SYTL5: variants seen among roughly 807,000 people sequenced by gnomAD.
SYTL5 encodes synaptotagmin like 5, also known as synaptotagmin-like protein 5.
Under a neutral mutation model 55.9 loss-of-function variants are expected in SYTL5, and 34 were observed. The ratio of observed to expected loss-of-function variants is 0.61; its 90% CI spans 0.46 to 0.81. SYTL5 has a LOEUF of 0.81. SYTL5 is among the 30% of genes least tolerant of loss of function. SYTL5 has a pLI of 0.00. For missense variants in SYTL5, 637 were observed against 546.7 expected, an observed-to-expected ratio of 1.17 and a Z score of -1.65; for synonymous variants, 221 against 188.7, an observed-to-expected ratio of 1.17 and a Z score of -1.40.
At chrX:38,077,877 T>G (rs771323391) in intron 6 of SYTL5, among the ~76,000 whole-genome samples, 2 of 111,571 alleles carry the variant, frequency 1.8e-5, no homozygotes, top group East Asian at 5.6e-4. Context: ...TCTATAAACA[T>G]CTCATTTTGG....
chrX:37,945,341 A>T, the SYTL5 span, among the ~76,000 whole-genome samples: 1 of 111,656 alleles, frequency 9.0e-6, no homozygotes, highest in African/African-American at 3.3e-5. Flanking sequence ...AGATTTCATG[A>T]CTCTCATCTT....
rs201966693 is a variant in SYTL5 at position 38,072,328 on chromosome X, CAAG to C, written c.445+173_445+175del. 8.4e-3 allele frequency among the ~76,000 whole-genome samples: 936 copies of C among 111,920 alleles called. 5 individuals carry two copies. The highest frequency in any genetic ancestry group is 0.033 in the Middle Eastern group (7 of 214). On this transcript the variant is annotated intron_variant, in intron 4 of 16. Transcript: ENST00000297875. ...ATCTAGATACGTAATTCATACAAGA[CAAG>C]AAGAAGTCAGTAGAAAACAAAATTC...
chrX:38,105,456 G>T (rs1937185243), intron 10 of SYTL5, among the ~76,000 whole-genome samples: 1 of 112,350 alleles, frequency 8.9e-6, no homozygotes, highest in African/African-American at 3.2e-5. Flanking sequence ...ACACGAAGTG[G>T]GGAGGGAGCT....
At chrX:38,086,956 T>G (rs1936672721) in intron 6 of SYTL5, among the ~76,000 whole-genome samples, 1 of 111,521 alleles carries the variant, frequency 9.0e-6, no homozygotes, top group African/African-American at 3.3e-5. Context: ...TCACAAGAAT[T>G]TTTTCCTTAT....
At chrX:38,099,579 C>G (rs945046126) in intron 9 of SYTL5, among the ~76,000 whole-genome samples, 2 of 110,735 alleles carry the variant, frequency 1.8e-5, no homozygotes, top group African/African-American at 6.5e-5. Flanking sequence ...ATTTCTTTTA[C>G]CTGTTTAATT....
chrX:37,985,041 A>G, the SYTL5 span, among the ~76,000 whole-genome samples: 18 of 112,147 alleles, frequency 1.6e-4, no homozygotes, highest in Non-Finnish European at 3.2e-4. Context: ...TGAAAGACTG[A>G]ATGTTTTTCC....
chrX:37,985,160 A>C, the SYTL5 span, among the ~76,000 whole-genome samples: 3 of 111,989 alleles, frequency 2.7e-5, no homozygotes, highest in African/African-American at 9.7e-5. Context: ...AAAGCCATCT[A>C]GTTTAGAAAG....
the SYTL5 span, among the ~76,000 whole-genome samples, chrX:37,994,020 A>T: frequency 9.0e-6 from 1 of 110,978 alleles, no homozygotes; most frequent in Admixed American, 9.5e-5. Context: ...CCTCTCAAAA[A>T]GAAGCTCCAG....
chrX:38,103,541 C>T (rs1374110081), intron 10 of SYTL5, among the ~76,000 whole-genome samples: 1 of 110,033 alleles, frequency 9.1e-6, no homozygotes, highest in Non-Finnish European at 1.9e-5. Context: ...AGTATAGACA[C>T]AAATCAGTGA....
At chrX:38,026,333 G>A (rs1269370003) in intron 1 of SYTL5, among the ~76,000 whole-genome samples, 1 of 111,227 alleles carries the variant, frequency 9.0e-6, no homozygotes, top group Non-Finnish European at 1.9e-5. Flanking sequence ...TCATAGTTCA[G>A]TGCTGCCTTC....
At chrX:38,066,069 C>T (rs1474283967) in intron 3 of SYTL5, among the ~76,000 whole-genome samples, 3 of 110,606 alleles carry the variant, frequency 2.7e-5, no homozygotes, top group African/African-American at 9.9e-5. Context: ...CACTGCACTC[C>T]AGCCTGGGTG....
At chrX:37,923,555 G>GTA in the SYTL5 span, among the ~76,000 whole-genome samples, 2,596 of 108,543 alleles carry the variant, frequency 0.024, 33 homozygotes, top group Middle Eastern at 0.062. Context: ...ATACATATAC[G>GTA]TATATATATA....
upstream of SYTL5, among the ~76,000 whole-genome samples, chrX:38,005,393 T>C (rs1364086498): frequency 8.9e-6 from 1 of 111,747 alleles, no homozygotes; most frequent in African/African-American, 3.2e-5. Flanking sequence ...AAATGTCCAG[T>C]TGTTAAACTT....
Position 38,127,934 on chromosome X carries a change from T to C in SYTL5, c.*1204T>C, listed in dbSNP as rs771688145. ...ACATTTTCAGCCCCTGGTTGTGTCA[T>C]GTCTACTGATATCTCATTGGTCAAA... On this transcript the variant is annotated 3_prime_UTR_variant, in exon 17 of 17. Transcript: ENST00000297875. 1 of 111,745 alleles carries C rather than the reference T, an allele frequency of 8.9e-6. No individual in the cohort carries two copies. The highest frequency in any genetic ancestry group is 9.5e-5 in the Admixed American group (1 of 10,525). 9.2% of individuals were successfully genotyped at this position (111,745 alleles called of 1,213,427 possible).
At chrX:37,972,154 T>C in the SYTL5 span, among the ~76,000 whole-genome samples, 35 of 110,823 alleles carry the variant, frequency 3.2e-4, no homozygotes, top group African/African-American at 1.1e-3. Context: ...CAAGGGCACC[T>C]TTCAGCTGGG....
At chrX:37,957,675 T>C in the SYTL5 span, among the ~76,000 whole-genome samples, 3 of 112,216 alleles carry the variant, frequency 2.7e-5, no homozygotes, top group Non-Finnish European at 5.6e-5. Flanking sequence ...TGGGTTACTG[T>C]AGTTTTGTAA....
chrX:37,934,028 A>G, the SYTL5 span, among the ~76,000 whole-genome samples: 1 of 111,803 alleles, frequency 8.9e-6, no homozygotes, highest in East Asian at 2.8e-4. Context: ...CACACATGAC[A>G]AGAAATACAG....
chrX:38,020,383 C>T (rs1477848722), intron 1 of SYTL5, among the ~76,000 whole-genome samples: 1 of 85,234 alleles, frequency 1.2e-5, no homozygotes, highest in African/African-American at 4.3e-5. Context: ...CTCATTCTTT[C>T]TTCTATAATA....
the SYTL5 span, among the ~76,000 whole-genome samples, chrX:37,940,506 T>G: frequency 2.8e-3 from 292 of 105,437 alleles, no homozygotes; most frequent in African/African-American, 9.3e-3. Context: ...AATCAAGGGT[T>G]CCCAGTGATC....
Sources: gnomAD v4.1 joint callset for allele counts (sites outside exome capture counted in the v4.1 genomes callset) on GRCh38, gnomAD v4.1.1 for gene constraint, MANE v1.5 for transcripts, NCBI Gene and HGNC (gene_info 2026-07-23, HGNC 2026-07-21) for gene names.